The following CFTR variants were observed in gnomAD, a reference collection of about 807,000 sequenced individuals.
CFTR encodes the protein cystic fibrosis transmembrane conductance regulator.
CFTR carries 181 observed loss-of-function variants against 171.6 expected under a neutral mutation model. That is an observed-to-expected ratio of 1.05 (90% CI 0.93 to 1.19). CFTR has a LOEUF of 1.19. Among genes scored for constraint, CFTR ranks in the 50% most tolerant of loss-of-function variants. The pLI is 0.00. For missense variants in CFTR, 1,968 were observed against 1,734.7 expected (o/e 1.13, Z -2.39); for synonymous variants, 583 against 608.0 (o/e 0.96, Z 0.60).
chr7:117,661,433 C>G (rs1005366364), intron 24 of CFTR, among the ~76,000 whole-genome samples: 1 of 152,154 alleles, frequency 6.6e-6, no homozygotes, highest in Non-Finnish European at 1.5e-5. Flanking sequence ...CAGCTCTTTG[C>G]CACAAGTGCA....
chr7:117,563,078 G>A (rs140487155), intron 11 of CFTR, among the ~76,000 whole-genome samples: 1 of 152,232 alleles, frequency 6.6e-6, no homozygotes, highest in Non-Finnish European at 1.5e-5. Flanking sequence ...ATAGTGAGGA[G>A]CAGAATTAAG....
chr7:117,612,023 G>GTATATATATATATATATATATGTA (rs1792402215), intron 20 of CFTR, among the ~76,000 whole-genome samples: 2 of 53,240 alleles, frequency 3.8e-5, no homozygotes, highest in Non-Finnish European at 6.4e-5. Flanking sequence ...ATATATATAT[G>GTATATATATATATATATATATGTA]TATATATATA....
intron 1 of CFTR, among the ~76,000 whole-genome samples, chr7:117,482,454 A>G (rs926113462): frequency 5.3e-5 from 8 of 152,166 alleles, no homozygotes; most frequent in Non-Finnish European, 1.5e-5. Context: ...TTTGAAGAAC[A>G]TCTGAACTAT....
At chr7:117,541,667 A>G (rs1173034322) in intron 8 of CFTR, among the ~76,000 whole-genome samples, 1 of 152,172 alleles carries the variant, frequency 6.6e-6, no homozygotes, top group African/African-American at 2.4e-5. Flanking sequence ...TTCTCCGTCC[A>G]ATGTTGGATT....
intron 11 of CFTR, among the ~76,000 whole-genome samples, chr7:117,587,030 A>G (rs1791946117): frequency 6.6e-6 from 1 of 152,222 alleles, no homozygotes; most frequent in South Asian, 2.1e-4. Context: ...TACAATGCCT[A>G]GGAGTCAAGG....
At chr7:117,653,459 C>T (rs182157283) in intron 24 of CFTR, among the ~76,000 whole-genome samples, 2 of 152,206 alleles carry the variant, frequency 1.3e-5, no homozygotes, top group Admixed American at 1.3e-4. Flanking sequence ...TTGCTGTGTC[C>T]TCACATAATG....
chr7:117,605,495 A>G (rs909743565), intron 17 of CFTR, among the ~76,000 whole-genome samples: 5 of 152,226 alleles, frequency 3.3e-5, no homozygotes, highest in Non-Finnish European at 7.3e-5. Flanking sequence ...TGATATGTTT[A>G]TAAGTTCCTG....
chr7:117,652,779 A>G, intron 23 of CFTR, 63 bp from the exon 24 acceptor site: 1 of 816,340 alleles, frequency 1.2e-6, no homozygotes, highest in Non-Finnish European at 2.0e-6. Context: ...CAATACAATA[A>G]GGGAAAAATA....
chr7:117,509,492 T>G (rs564070249), intron 3 of CFTR, among the ~76,000 whole-genome samples: 1 of 152,290 alleles, frequency 6.6e-6, no homozygotes, highest in East Asian at 1.9e-4. Context: ...CAGGAGACAA[T>G]GTCAGCAGAA....
At chr7:117,500,278 C>CTTTTTTTTT (rs745627454) in intron 1 of CFTR, among the ~76,000 whole-genome samples, 2 of 76,452 alleles carry the variant, frequency 2.6e-5, no homozygotes, top group African/African-American at 5.2e-5. Flanking sequence ...TTCTTCCTTT[C>CTTTTTTTTT]TTTTTTTTTT....
In CFTR at chr7:117,530,907, C is replaced by G. The variant is rs1373410602; in HGVS notation, c.282C>G (p.Thr94=). The G allele has an allele frequency of 1.2e-6, 2 of 1,609,412 alleles. No individual in the cohort carries two copies. The highest frequency in any genetic ancestry group is 1.7e-4 in the Middle Eastern group (1 of 5,738). ...TTTTTCCCCTTTTGTAGGAAGTCAC[C>G]AAAGCAGTACAGCCTCTCTTACTGG... ...YGIFLYLGEV[T]KAVQPLLLGR... Residue 94 remains threonine (T), a synonymous_variant, in exon 4 of 27, where the codon ACC becomes ACG. Transcript: ENST00000003084.
intron 7 of CFTR, 95 bp downstream of exon 7, chr7:117,536,768 T>C (rs544263779): frequency 1.9e-6 from 2 of 1,041,656 alleles, no homozygotes; most frequent in African/African-American, 1.6e-5. Flanking sequence ...TCATATTTGA[T>C]GTTTGTGACA....
intron 20 of CFTR, among the ~76,000 whole-genome samples, chr7:117,612,025 A>ATATG (rs1554392396): frequency 2.3e-5 from 1 of 42,614 alleles, no homozygotes; most frequent in Non-Finnish European, 4.1e-5. Flanking sequence ...ATATATATGT[A>ATATG]TATATATATA....
At chr7:117,530,697 A>G (rs909637542) in intron 3 of CFTR, among the ~76,000 whole-genome samples, 1 of 152,116 alleles carries the variant, frequency 6.6e-6, no homozygotes, top group African/African-American at 2.4e-5. Flanking sequence ...CTTGTCTCCC[A>G]CTGTTGCTAT....
chr7:117,658,752 G>T (rs970555533), intron 24 of CFTR, among the ~76,000 whole-genome samples: 1 of 152,080 alleles, frequency 6.6e-6, no homozygotes, highest in Non-Finnish European at 1.5e-5. Flanking sequence ...TGTCCCTGGG[G>T]AGTATCTGAA....
chr7:117,498,564 A>G (rs1359724175), intron 1 of CFTR, among the ~76,000 whole-genome samples: 1 of 152,190 alleles, frequency 6.6e-6, no homozygotes, highest in Non-Finnish European at 1.5e-5. Flanking sequence ...TTTGAGAAAA[A>G]TACATCTGAC....
At chr7:117,658,608 C>T (rs1220666468) in intron 24 of CFTR, among the ~76,000 whole-genome samples, 2 of 152,170 alleles carry the variant, frequency 1.3e-5, no homozygotes, top group African/African-American at 4.8e-5. Flanking sequence ...CCCTGCCCCA[C>T]CACATACCTG....
In CFTR at chr7:117,611,717, C is replaced by T. The variant is rs121908761; in HGVS notation, c.3276C>T (p.Tyr1092=). 6.2e-7 allele frequency: 1 copy of T among 1,613,508 alleles called. No homozygotes were observed. Among genetic ancestry groups the T allele is most frequent in the Non-Finnish European group, 8.5e-7 (1 of 1,179,700 alleles). Reference sequence around the variant, plus strand: ...TACATACTGCCAACTGGTTCTTGTACCTGTCAACACTGCGCTGGTTCCAAA... The same window carrying T: ...TACATACTGCCAACTGGTTCTTGTATCTGTCAACACTGCGCTGGTTCCAAA... ...LNLHTANWFL[Y]LSTLRWFQMR... Residue 1092 remains tyrosine, a synonymous_variant, in exon 20 of 27, where the codon TAC becomes TAT. Coordinates refer to ENST00000003084, the MANE Select transcript of CFTR (RefSeq NM_000492.4).
At chr7:117,600,130 C>G in intron 15 of CFTR, among the ~76,000 whole-genome samples, 1 of 151,610 alleles carries the variant, frequency 6.6e-6, no homozygotes, top group Non-Finnish European at 1.5e-5. Context: ...AGCTATTAAA[C>G]TGAAAAAAAA....
Sources: allele counts gnomAD v4.1 joint callset (sites outside exome capture counted in the v4.1 genomes callset), GRCh38; gene constraint gnomAD v4.1.1; transcripts MANE v1.5; gene names NCBI Gene and HGNC (gene_info 2026-07-23, HGNC 2026-07-21).